Variants in CERT1 observed in about 807,000 individuals in gnomAD.
CERT1 encodes the protein ceramide transfer protein.
In CERT1, 31 loss-of-function variants were observed where a neutral mutation model predicts 87.9. That is an observed-to-expected ratio of 0.35 (90% CI 0.27 to 0.48). The LOEUF (loss-of-function observed/expected upper bound fraction) is 0.48, where lower values mean the gene tolerates loss of function less well. Ranked by LOEUF, CERT1 falls within the 20% of genes least tolerant of loss-of-function variation. CERT1 has a pLI of 0.99. For synonymous variants in CERT1, 289 were observed against 250.9 expected (o/e 1.15, Z -1.44); for missense variants, 487 against 758.0 (o/e 0.64, Z 4.20).
chr5:75,499,735 C>T lies in CERT1; in HGVS notation c.231+6247G>A, dbSNP rs185307038. 1.1e-3 allele frequency among the ~76,000 whole-genome samples: 165 copies of T among 152,296 alleles called. 1 individual carries two copies. The highest frequency in any genetic ancestry group is 7.4e-3 in the Admixed American group (113 of 15,300). On this transcript the variant is annotated intron_variant, in intron 2 of 16. Coordinates refer to ENST00000643780, the MANE Select transcript of CERT1 (RefSeq NM_001379029.1). ...TTTATAAATATTTAACAGTCATGTT[C>T]CTACAACCCCTACACAAAATAAAAT...
At chr5:75,369,940 C>T (rs1761025963) in intron 17 of CERT1, 1 of 152,168 alleles carries the variant, frequency 6.6e-6, no homozygotes, top group Admixed American at 6.5e-5. Flanking sequence ...AGTATGAACT[C>T]TGTTGTAACC....
In CERT1 at chr5:75,384,637, T is replaced by C. The variant is rs1310226971; in HGVS notation, c.1488+5A>G. 3 of 1,589,072 alleles carry C rather than the reference T, an allele frequency of 1.9e-6. No homozygotes were observed. In the South Asian group the frequency reaches 3.3e-5, roughly 18 times the overall value. On this transcript the variant is annotated splice_donor_5th_base_variant and intron_variant, in intron 14 of 16. Coordinates refer to ENST00000643780, the MANE Select transcript of CERT1 (RefSeq NM_001379029.1). ...TCCTTTTAGGATGAATGAAGAGATC[T>C]TTACCTTGTGTGTTTGATAAATGAT...
intron 2 of CERT1, among the ~76,000 whole-genome samples, chr5:75,489,920 G>A (rs1766697536): frequency 6.6e-6 from 1 of 152,196 alleles, no homozygotes; most frequent in Non-Finnish European, 1.5e-5. Context: ...GCATACGTAT[G>A]TTTACTGCAG....
At chr5:75,438,047 T>C (rs1195333986) in intron 3 of CERT1, among the ~76,000 whole-genome samples, 1 of 152,146 alleles carries the variant, frequency 6.6e-6, no homozygotes, top group Non-Finnish European at 1.5e-5. Context: ...AGCAATTTAT[T>C]ACACAAAATA....
At chr5:75,466,552 TAA>T (rs1765463499) in intron 2 of CERT1, among the ~76,000 whole-genome samples, 1 of 152,194 alleles carries the variant, frequency 6.6e-6, no homozygotes, top group Non-Finnish European at 1.5e-5. Context: ...CAAGAGCAGA[TAA>T]AGAGCAACCC....
intron 3 of CERT1, among the ~76,000 whole-genome samples, chr5:75,450,274 G>T (rs1365540013): frequency 6.6e-6 from 1 of 152,124 alleles, no homozygotes; most frequent in African/African-American, 2.4e-5. Context: ...GGTCAGGCAT[G>T]CCTCATTATA....
intron 12 of CERT1, among the ~76,000 whole-genome samples, chr5:75,388,640 A>ATATATATC (rs1491495747): frequency 2.7e-5 from 3 of 109,912 alleles, no homozygotes; most frequent in African/African-American, 6.7e-5. Context: ...ATATATATAT[A>ATATATATC]TCTCACACAG....
downstream of CERT1, chr5:75,376,538 G>A (rs1321837277): frequency 6.6e-6 from 1 of 152,140 alleles, no homozygotes; most frequent in African/African-American, 2.4e-5. Flanking sequence ...TCAGTTTTCT[G>A]GTTTATTTGA....
downstream of CERT1, chr5:75,375,731 A>T (rs1761276648): frequency 6.7e-6 from 1 of 149,720 alleles, no homozygotes; most frequent in African/African-American, 2.4e-5. Flanking sequence ...TTCTCTAAAG[A>T]TGATACACAC....
chr5:75,442,395 A>AT (rs1025488578), intron 3 of CERT1, among the ~76,000 whole-genome samples: 1 of 152,102 alleles, frequency 6.6e-6, no homozygotes, highest in Admixed American at 6.5e-5. Flanking sequence ...TAATTTTTGT[A>AT]TTTTTTGTAG....
chr5:75,406,783 G>T (rs191718901), intron 8 of CERT1, among the ~76,000 whole-genome samples: 4 of 152,188 alleles, frequency 2.6e-5, no homozygotes, highest in East Asian at 1.9e-4. Flanking sequence ...GACCTCAGGT[G>T]ATCTGCCCGC....
intron 2 of CERT1, among the ~76,000 whole-genome samples, chr5:75,500,785 T>C (rs1010708853): frequency 5.3e-5 from 8 of 152,214 alleles, no homozygotes; most frequent in Non-Finnish European, 1.0e-4. Context: ...TTATAATGAC[T>C]ATTTATGGCA....
At position 75,453,762 on chromosome 5, in the gene CERT1, C is replaced by T. The variant is rs558969373; in HGVS notation, c.348+5303G>A. On this transcript the variant is annotated intron_variant, in intron 3 of 16. Coordinates refer to ENST00000643780, the MANE Select transcript of CERT1 (RefSeq NM_001379029.1). ...TGTTAGCTATCTTCATCACTATCAC[C>T]ATTATTATTGTTTAGAAGTCCTGTA... is the stretch of plus-strand genomic sequence containing the variant. Among the ~76,000 whole-genome samples, 21 of 152,146 alleles carry T rather than the reference C, an allele frequency of 1.4e-4. No individual in the cohort carries two copies. In the East Asian group the frequency reaches 4.1e-3, roughly 29 times the overall value.
At chr5:75,476,230 A>C (rs1207956838) in intron 2 of CERT1, among the ~76,000 whole-genome samples, 1 of 152,180 alleles carries the variant, frequency 6.6e-6, no homozygotes, top group Admixed American at 6.5e-5. Context: ...ATGGTAAGTT[A>C]AAGAGGTTGT....
At chr5:75,420,751 C>T (rs759036757) in intron 5 of CERT1, among the ~76,000 whole-genome samples, 2 of 152,160 alleles carry the variant, frequency 1.3e-5, no homozygotes, top group Non-Finnish European at 2.9e-5. Flanking sequence ...CTACGCATTC[C>T]ACTCATAATG....
chr5:75,399,496 A>G, intron 10 of CERT1, 109 bp from the exon 11 acceptor site: 1 of 779,076 alleles, frequency 1.3e-6, no homozygotes, highest in South Asian at 1.5e-5. Flanking sequence ...ACAAAGCACT[A>G]TATGAAACAA....
Position 75,414,925 on chromosome 5 carries a change from A to G in CERT1, c.837+1951T>C, listed in dbSNP as rs560460248. On this transcript the variant is annotated intron_variant, in intron 7 of 16. Transcript: ENST00000643780. Reference sequence around the variant, plus strand: ...AATGAAACAATTTCAGTGAAACCATATTGTTATCATTGTACTTTCTTTCTC... The same window carrying G: ...AATGAAACAATTTCAGTGAAACCATGTTGTTATCATTGTACTTTCTTTCTC... Among the ~76,000 whole-genome samples, 24 of 152,000 alleles carry G rather than the reference A, an allele frequency of 1.6e-4. 1 individual carries two copies. Among genetic ancestry groups the G allele is most frequent in the Admixed American group, 1.2e-3 (19 of 15,242 alleles).
At chr5:75,482,826 GCCAC>G (rs1766316448) in intron 2 of CERT1, among the ~76,000 whole-genome samples, 1 of 152,176 alleles carries the variant, frequency 6.6e-6, no homozygotes, top group Admixed American at 6.5e-5. Flanking sequence ...GGCTTGGGGT[GCCAC>G]CTAATGCAGA....
intron 2 of CERT1, among the ~76,000 whole-genome samples, chr5:75,474,090 C>A (rs1312085454): frequency 3.9e-5 from 6 of 152,176 alleles, no homozygotes; most frequent in Non-Finnish European, 5.9e-5. Flanking sequence ...TAAAAATCAA[C>A]TCATAACTTA....
Sources: allele counts gnomAD v4.1 joint callset (sites outside exome capture counted in the v4.1 genomes callset), GRCh38; gene constraint gnomAD v4.1.1; transcripts MANE v1.5; gene names NCBI Gene and HGNC (gene_info 2026-07-23, HGNC 2026-07-21).